CCBE1: variants seen among roughly 807,000 people sequenced by gnomAD.
CCBE1 encodes the protein collagen and calcium binding EGF domains 1.
Under a neutral mutation model 50.0 loss-of-function variants are expected in CCBE1, and 37 were observed. That is an observed-to-expected ratio of 0.74 (90% CI 0.57 to 0.97). CCBE1 has a LOEUF of 0.97. Ranked by LOEUF, CCBE1 falls within the 50% of genes least tolerant of loss-of-function variation. CCBE1 has a pLI of 0.00. For synonymous variants in CCBE1, 234 were observed against 203.7 expected (o/e 1.15, Z -1.27); for missense variants, 538 against 523.8 (o/e 1.03, Z -0.26).
intron 2 of CCBE1, among the ~76,000 whole-genome samples, chr18:59,553,254 C>A (rs2144421901): frequency 6.6e-6 from 1 of 152,284 alleles, no homozygotes; most frequent in African/African-American, 2.4e-5. Context: ...ATTTAATGAT[C>A]TTGCATTATA....
At chr18:59,445,186 T>A (rs1029960259) in intron 7 of CCBE1, among the ~76,000 whole-genome samples, 3 of 152,218 alleles carry the variant, frequency 2.0e-5, no homozygotes, top group Non-Finnish European at 2.9e-5. Flanking sequence ...TACATTTCAC[T>A]CTTTAATCCA....
intron 6 of CCBE1, among the ~76,000 whole-genome samples, chr18:59,450,902 C>T: frequency 6.6e-6 from 1 of 152,090 alleles, no homozygotes; most frequent in South Asian, 2.1e-4. Context: ...GCAGAGGAAA[C>T]CACACATTAT....
chr18:59,621,374 C>T (rs1226052637), intron 2 of CCBE1, among the ~76,000 whole-genome samples: 1 of 152,206 alleles, frequency 6.6e-6, no homozygotes, highest in African/African-American at 2.4e-5. Context: ...TAGGTGTCCC[C>T]ACTGCCTGAC....
intron 2 of CCBE1, among the ~76,000 whole-genome samples, chr18:59,495,399 T>TC (rs1390583041): frequency 9.5e-5 from 8 of 83,818 alleles, no homozygotes; most frequent in African/African-American, 6.1e-4. Flanking sequence ...GCCTCTTTTT[T>TC]TTTTTTTTTT....
At chr18:59,539,193 A>T (rs1230618564) in intron 2 of CCBE1, among the ~76,000 whole-genome samples, 1 of 137,138 alleles carries the variant, frequency 7.3e-6, no homozygotes, top group African/African-American at 2.7e-5. Flanking sequence ...AAACACACAC[A>T]CACACACAAA....
chr18:59,635,672 C>A (rs2053906589), intron 2 of CCBE1, among the ~76,000 whole-genome samples: 1 of 151,618 alleles, frequency 6.6e-6, no homozygotes, highest in African/African-American at 2.4e-5. Context: ...CTAAGAGTAA[C>A]CCACTAATAT....
At chr18:59,468,668 C>T (rs1911871877) in intron 4 of CCBE1, among the ~76,000 whole-genome samples, 1 of 152,180 alleles carries the variant, frequency 6.6e-6, no homozygotes, top group Non-Finnish European at 1.5e-5. Flanking sequence ...ATGCTCATGA[C>T]AGCTGGTTTA....
chr18:59,667,786 G>A (rs984189963), intron 2 of CCBE1, among the ~76,000 whole-genome samples: 1 of 152,194 alleles, frequency 6.6e-6, no homozygotes, highest in Non-Finnish European at 1.5e-5. Flanking sequence ...AGAATGGGGA[G>A]TGGGTGTAGA....
intron 5 of CCBE1, among the ~76,000 whole-genome samples, chr18:59,464,372 G>A (rs1911641647): frequency 6.6e-6 from 1 of 152,188 alleles, no homozygotes; most frequent in African/African-American, 2.4e-5. Flanking sequence ...AATTTGCAGT[G>A]AGCTGAGATT....
chr18:59,669,108 T>C (rs1166160181), intron 2 of CCBE1, among the ~76,000 whole-genome samples: 1 of 152,098 alleles, frequency 6.6e-6, no homozygotes, highest in Non-Finnish European at 1.5e-5. Flanking sequence ...AGTGCTGGGA[T>C]TACAGACATA....
chr18:59,473,525 A>C (rs1374525142), intron 3 of CCBE1, among the ~76,000 whole-genome samples: 4 of 152,090 alleles, frequency 2.6e-5, no homozygotes, highest in African/African-American at 9.7e-5. Flanking sequence ...GTGGAATTTT[A>C]AATTATTTGG....
At chr18:59,641,075 TGA>T (rs2053982382) in intron 2 of CCBE1, among the ~76,000 whole-genome samples, 1 of 152,182 alleles carries the variant, frequency 6.6e-6, no homozygotes, top group African/African-American at 2.4e-5. Context: ...TAGTGATTTC[TGA>T]GAGAACTTTA....
In CCBE1 at chr18:59,508,575, C is replaced by T. The variant is rs548474990; in HGVS notation, c.213-28337G>A. ...TTACACCACTATACTCTAGCCTGGG[C>T]AAAAGAGTGAGACTCTGTCTCACAA... On this transcript the variant is annotated intron_variant, in intron 2 of 10. Transcript: ENST00000439986. Among the ~76,000 whole-genome samples the T allele has an allele frequency of 4.6e-5, 7 of 151,186 alleles. No individual in the cohort carries two copies. In the South Asian group the frequency reaches 1.5e-3, roughly 32 times the overall value.
At chr18:59,509,598 A>C (rs1400010127) in intron 2 of CCBE1, among the ~76,000 whole-genome samples, 1 of 152,214 alleles carries the variant, frequency 6.6e-6, no homozygotes, top group Non-Finnish European at 1.5e-5. Flanking sequence ...GCACACACTG[A>C]AACACAAATT....
chr18:59,525,065 G>C (rs917113037), intron 2 of CCBE1, among the ~76,000 whole-genome samples: 1 of 152,168 alleles, frequency 6.6e-6, no homozygotes, highest in African/African-American at 2.4e-5. Flanking sequence ...ATAAGAGAAT[G>C]ATTTATATTC....
At chr18:59,584,759 C>G (rs1273540226) in intron 2 of CCBE1, among the ~76,000 whole-genome samples, 1 of 152,212 alleles carries the variant, frequency 6.6e-6, no homozygotes, top group Non-Finnish European at 1.5e-5. Flanking sequence ...TCCCCAGAAG[C>G]AGAAGCTGCT....
chr18:59,501,014 TCAGA>T (rs1913594009), intron 2 of CCBE1, among the ~76,000 whole-genome samples: 1 of 152,208 alleles, frequency 6.6e-6, no homozygotes, highest in Admixed American at 6.5e-5. Flanking sequence ...AAAGGGAGTG[TCAGA>T]CAGTGCAAGA....
chr18:59,688,595 G>A (rs952222933), intron 2 of CCBE1, among the ~76,000 whole-genome samples: 1 of 152,240 alleles, frequency 6.6e-6, no homozygotes, highest in African/African-American at 2.4e-5. Context: ...ATTGGCACAG[G>A]AAGGCTTGTC....
At chr18:59,546,568 C>G (rs1404698297) in intron 2 of CCBE1, among the ~76,000 whole-genome samples, 1 of 152,198 alleles carries the variant, frequency 6.6e-6, no homozygotes, top group African/African-American at 2.4e-5. Context: ...TTTGAACAAA[C>G]TATTTGAAGT....
Sources: allele counts gnomAD v4.1 joint callset (sites outside exome capture counted in the v4.1 genomes callset), GRCh38; gene constraint gnomAD v4.1.1; transcripts MANE v1.5; gene names NCBI Gene and HGNC (gene_info 2026-07-23, HGNC 2026-07-21).